Variants in TANGO6 observed in about 807,000 individuals in gnomAD.
TANGO6 encodes the protein transport and Golgi organization protein 6 homolog.
In TANGO6, 90 loss-of-function variants were observed where a neutral mutation model predicts 114.2. The observed-to-expected ratio is 0.79, with a 90% CI of 0.66 to 0.94. The LOEUF (loss-of-function observed/expected upper bound fraction) is 0.94. Ranked by LOEUF, TANGO6 falls within the 40% of genes least tolerant of loss-of-function variation. TANGO6 has a pLI of 0.00. For missense variants in TANGO6, 1,274 were observed against 1,315.3 expected, an observed-to-expected ratio of 0.97 and a Z score of 0.49; for synonymous variants, 477 against 509.8, an observed-to-expected ratio of 0.94 and a Z score of 0.87.
At chr16:69,023,066 T>C (rs1959439449) in intron 16 of TANGO6, 87 bp downstream of exon 16, 2 of 1,390,424 alleles carry the variant, frequency 1.4e-6, no homozygotes, top group South Asian at 3.2e-5. Context: ...AGACCTGGGC[T>C]CTTTTTGCAG....
chr16:68,976,530 C>CA (rs1036362773), intron 15 of TANGO6, among the ~76,000 whole-genome samples: 24 of 152,152 alleles, frequency 1.6e-4, no homozygotes, highest in Non-Finnish European at 2.9e-4. Flanking sequence ...CATAAGCCAG[C>CA]AAGTACACTT....
intron 14 of TANGO6, among the ~76,000 whole-genome samples, chr16:68,951,045 C>T (rs1463145864): frequency 6.6e-6 from 1 of 151,484 alleles, no homozygotes; most frequent in Non-Finnish European, 1.5e-5. Flanking sequence ...GGGGCCAGAC[C>T]AGGTGCTGTG....
At chr16:69,009,847 A>C (rs747293155) in intron 15 of TANGO6, among the ~76,000 whole-genome samples, 14 of 152,200 alleles carry the variant, frequency 9.2e-5, no homozygotes, top group Non-Finnish European at 1.8e-4. Context: ...CTGAATACTT[A>C]CTTTTGGCAT....
chr16:69,027,660 C>T (rs1959524803), intron 16 of TANGO6, among the ~76,000 whole-genome samples: 1 of 152,076 alleles, frequency 6.6e-6, no homozygotes, highest in Admixed American at 6.6e-5. Flanking sequence ...GGGTCAGATA[C>T]TGAAATGATT....
At chr16:68,971,416 C>T (rs1040705019) in intron 14 of TANGO6, among the ~76,000 whole-genome samples, 1 of 151,842 alleles carries the variant, frequency 6.6e-6, no homozygotes, top group Non-Finnish European at 1.5e-5. Context: ...ACTACAGGCA[C>T]ACATCACCAC....
At chr16:69,083,231 T>G (rs1461801439) in intron 17 of TANGO6, among the ~76,000 whole-genome samples, 2 of 151,840 alleles carry the variant, frequency 1.3e-5, no homozygotes, top group Admixed American at 1.3e-4. Flanking sequence ...CGGCTGATTT[T>G]TGTATATTTT....
intron 16 of TANGO6, among the ~76,000 whole-genome samples, chr16:69,031,551 A>G (rs1444685915): frequency 6.6e-6 from 1 of 151,946 alleles, no homozygotes; most frequent in Non-Finnish European, 1.5e-5. Context: ...AAAGTACAAA[A>G]ATTAGCCAGG....
At chr16:68,959,512 G>A (rs939911813) in intron 14 of TANGO6, among the ~76,000 whole-genome samples, 1 of 151,836 alleles carries the variant, frequency 6.6e-6, no homozygotes, top group Admixed American at 6.6e-5. Flanking sequence ...GCTTGAACCT[G>A]GGGGGTGGAG....
intron 15 of TANGO6, among the ~76,000 whole-genome samples, chr16:69,017,085 G>GA (rs911493524): frequency 1.3e-4 from 20 of 150,028 alleles, no homozygotes; most frequent in Admixed American, 8.0e-4. Flanking sequence ...AGGGAGTAGT[G>GA]AAAAAAAAAT....
chr16:68,860,190 C>G lies in TANGO6; in HGVS notation c.401C>G (p.Pro134Arg), dbSNP rs1376578022. ...RTPEVAPALS[P>R]DALSISQQKT... Reference sequence around the variant, plus strand: ...CCGGAAGTTGCTCCTGCCCTGAGCCCCGATGCACTTAGTATCTCACAACAG... The same window carrying G: ...CCGGAAGTTGCTCCTGCCCTGAGCCGCGATGCACTTAGTATCTCACAACAG... Residue 134 changes from proline to arginine, a missense_variant, in exon 2 of 18, where the codon CCC (proline) becomes CGC (arginine). Around this residue, in one of 5 missense-constraint regions of TANGO6, gnomAD observed 908 missense variants for 910.2 expected, o/e 1.00. Coordinates refer to ENST00000261778, the MANE Select transcript of TANGO6 (RefSeq NM_024562.2). 1 of 1,613,868 alleles carries G rather than the reference C, an allele frequency of 6.2e-7. No individual in the cohort carries two copies. Among genetic ancestry groups the G allele is most frequent in the Non-Finnish European group, 8.5e-7 (1 of 1,179,904 alleles).
intron 16 of TANGO6, among the ~76,000 whole-genome samples, chr16:69,036,266 T>C (rs1321573999): frequency 1.3e-5 from 2 of 152,154 alleles, no homozygotes; most frequent in East Asian, 1.9e-4. Flanking sequence ...ACTTCTAGTG[T>C]TGGACAAGGG....
intron 7 of TANGO6, among the ~76,000 whole-genome samples, chr16:68,882,966 C>T (rs930207784): frequency 7.2e-5 from 11 of 151,974 alleles, no homozygotes; most frequent in African/African-American, 1.9e-4. Context: ...TGCAGTGAGC[C>T]GAGATTGTGC....
intron 17 of TANGO6, among the ~76,000 whole-genome samples, chr16:69,050,552 C>T (rs557682268): frequency 6.6e-6 from 1 of 150,646 alleles, no homozygotes; most frequent in African/African-American, 2.4e-5. Context: ...TGCAGTGGTG[C>T]GATCTCAGCT....
At chr16:68,868,864 C>G (rs1368792343) in intron 4 of TANGO6, among the ~76,000 whole-genome samples, 1 of 152,142 alleles carries the variant, frequency 6.6e-6, no homozygotes, top group Non-Finnish European at 1.5e-5. Flanking sequence ...ATCTACCTCT[C>G]ACCATGTGTG....
At chr16:69,050,206 G>A (rs560078615) in intron 17 of TANGO6, among the ~76,000 whole-genome samples, 75 of 152,200 alleles carry the variant, frequency 4.9e-4, no homozygotes, top group Admixed American at 1.3e-3. Flanking sequence ...AATGCATGAG[G>A]TTTCCAAATT....
chr16:68,917,790 T>TCA (rs1963027434), intron 11 of TANGO6, among the ~76,000 whole-genome samples: 1 of 152,162 alleles, frequency 6.6e-6, no homozygotes, highest in Non-Finnish European at 1.5e-5. Context: ...TCTCTCTCTG[T>TCA]CACACAGGCT....
At chr16:68,908,413 G>A (rs779370234) in intron 10 of TANGO6, among the ~76,000 whole-genome samples, 1 of 152,110 alleles carries the variant, frequency 6.6e-6, no homozygotes, top group East Asian at 1.9e-4. Context: ...GGTGGCTCAC[G>A]CCTGTAATCC....
intron 1 of TANGO6, among the ~76,000 whole-genome samples, chr16:68,855,201 C>A (rs115856013): frequency 6.7e-6 from 1 of 150,338 alleles, no homozygotes; most frequent in African/African-American, 2.4e-5. Flanking sequence ...AATGAAGCTC[C>A]GTCTCAAAAA....
At chr16:69,078,950 G>A (rs903711539) in intron 17 of TANGO6, among the ~76,000 whole-genome samples, 3 of 151,848 alleles carry the variant, frequency 2.0e-5, no homozygotes, top group East Asian at 2.0e-4. Flanking sequence ...TGCCATGTTC[G>A]CCAGGCTGGT....
Sources: allele counts gnomAD v4.1 joint callset (sites outside exome capture counted in the v4.1 genomes callset), GRCh38; gene constraint gnomAD v4.1.1; regional missense constraint gnomAD v4.1.1; transcripts MANE v1.5; gene names NCBI Gene and HGNC (gene_info 2026-07-23, HGNC 2026-07-21).